WDR41: variants seen among roughly 807,000 people sequenced by gnomAD.
WDR41 encodes WD repeat domain 41, also known as WD repeat-containing protein 41.
In WDR41, 63 loss-of-function variants were observed where a neutral mutation model predicts 69.3. The ratio of observed to expected loss-of-function variants is 0.91; its 90% confidence interval spans 0.74 to 1.12. The LOEUF is 1.12. Among genes scored for constraint, WDR41 ranks in the 50% most tolerant of loss-of-function variants. The pLI is 0.00. For synonymous variants in WDR41, 185 were observed against 192.1 expected, an observed-to-expected ratio of 0.96 and a Z score of 0.31; for missense variants, 543 against 534.5, an observed-to-expected ratio of 1.02 and a Z score of -0.16.
chr5:77,525,358 A>G (rs1802430658), intron 1 of WDR41, among the ~76,000 whole-genome samples: 1 of 152,192 alleles, frequency 6.6e-6, no homozygotes, highest in Admixed American at 6.5e-5. Flanking sequence ...GCCCCTTCAC[A>G]TGCCAGACTG....
chr5:77,451,965 C>T (rs1402106764), intron 6 of WDR41: 1 of 151,148 alleles, frequency 6.6e-6, no homozygotes. Context: ...TACAATTTTG[C>T]TTCTGTCAGT....
intron 1 of WDR41, among the ~76,000 whole-genome samples, chr5:77,610,967 C>G (rs935752568): frequency 6.6e-6 from 1 of 152,148 alleles, no homozygotes; most frequent in Non-Finnish European, 1.5e-5. Context: ...GAAGATCTAC[C>G]AAGCAACTGG....
At chr5:77,520,973 T>C (rs563473601) in intron 1 of WDR41, among the ~76,000 whole-genome samples, 1 of 152,308 alleles carries the variant, frequency 6.6e-6, no homozygotes, top group East Asian at 1.9e-4. Context: ...TACTACCACC[T>C]GAGTTTCTCA....
chr5:77,604,043 G>A (rs757945360), intron 1 of WDR41, among the ~76,000 whole-genome samples: 4 of 152,140 alleles, frequency 2.6e-5, no homozygotes, highest in South Asian at 4.2e-4. Context: ...CCTCAAGATC[G>A]CTTTGGCTAT....
intron 1 of WDR41, among the ~76,000 whole-genome samples, chr5:77,498,177 A>G (rs1801962855): frequency 6.6e-6 from 1 of 152,230 alleles, no homozygotes; most frequent in Non-Finnish European, 1.5e-5. Context: ...TGATGATTAT[A>G]CAATATTGTG....
In WDR41 at chr5:77,608,213, C is replaced by A. The variant is rs567290585; in HGVS notation, c.42+12266G>T. ...TGACCTATTTCATACAGCAGAATGTCCTCAAGGTTCATCTATGTTGTAGCA... is the reference window on the plus strand; with the variant it reads ...TGACCTATTTCATACAGCAGAATGTACTCAAGGTTCATCTATGTTGTAGCA... On this transcript the variant is annotated intron_variant, in intron 1 of 5. Coordinates refer to the WDR41 transcript ENST00000509971. Among the ~76,000 whole-genome samples the A allele has an allele frequency of 2.0e-5, 3 of 152,316 alleles. No individual in the cohort carries two copies. In the South Asian group the frequency reaches 6.2e-4, roughly 32 times the overall value.
chr5:77,594,284 A>T (rs1204730093), intron 1 of WDR41, among the ~76,000 whole-genome samples: 7 of 97,390 alleles, frequency 7.2e-5, no homozygotes, highest in Non-Finnish European at 1.0e-4. Flanking sequence ...GGGAGGGGGG[A>T]GGGATAGCAT....
At chr5:77,615,686 T>G (rs1366241209) in intron 1 of WDR41, among the ~76,000 whole-genome samples, 1 of 24,776 alleles carries the variant, frequency 4.0e-5, no homozygotes, top group Admixed American at 5.2e-4. Flanking sequence ...TTACTGCAAG[T>G]CAAAAAAAAA....
At chr5:77,561,496 A>G (rs923057853) in intron 1 of WDR41, among the ~76,000 whole-genome samples, 7 of 152,250 alleles carry the variant, frequency 4.6e-5, no homozygotes, top group Middle Eastern at 3.4e-3. Context: ...TTGCATCTAC[A>G]ACATTTAAAT....
intron 1 of WDR41, among the ~76,000 whole-genome samples, chr5:77,512,305 C>T (rs933830152): frequency 5.9e-5 from 8 of 135,864 alleles, no homozygotes; most frequent in African/African-American, 2.4e-4. Flanking sequence ...TAAGAAAAGC[C>T]ATGGTCTGTA....
At chr5:77,606,180 T>C (rs1484338409) in intron 1 of WDR41, among the ~76,000 whole-genome samples, 1 of 152,130 alleles carries the variant, frequency 6.6e-6, no homozygotes, top group African/African-American at 2.4e-5. Flanking sequence ...TTTTGCATAG[T>C]CTATGAGTTC....
intron 5 of WDR41, among the ~76,000 whole-genome samples, chr5:77,458,197 A>C (rs1325568254): frequency 6.6e-6 from 1 of 152,124 alleles, no homozygotes; most frequent in Non-Finnish European, 1.5e-5. Context: ...AGTTAGATAG[A>C]AGTATATATA....
chr5:77,591,712 T>C (rs186200360), intron 1 of WDR41, among the ~76,000 whole-genome samples: 3 of 152,280 alleles, frequency 2.0e-5, no homozygotes, highest in African/African-American at 7.2e-5. Context: ...TACTCGTTTT[T>C]CTGTTATTGA....
chr5:77,512,452 A>G (rs962411450), intron 1 of WDR41, among the ~76,000 whole-genome samples: 3 of 151,926 alleles, frequency 2.0e-5, no homozygotes, highest in South Asian at 2.1e-4. Context: ...GTCTTTGGAC[A>G]TAAAATTCGT....
chr5:77,509,726 G>A (rs1177473741), intron 1 of WDR41, among the ~76,000 whole-genome samples: 2 of 152,112 alleles, frequency 1.3e-5, no homozygotes, highest in Non-Finnish European at 2.9e-5. Context: ...AAAGATATAA[G>A]GTTTCTTCTT....
intron 1 of WDR41, among the ~76,000 whole-genome samples, chr5:77,553,070 CT>C (rs1743326055): frequency 6.6e-6 from 1 of 152,176 alleles, no homozygotes; most frequent in East Asian, 1.9e-4. Flanking sequence ...AATGTTTGTT[CT>C]GTGAAAGCCA....
chr5:77,450,809 T>G (rs1274397677), intron 7 of WDR41, among the ~76,000 whole-genome samples: 2 of 152,204 alleles, frequency 1.3e-5, no homozygotes, highest in African/African-American at 4.8e-5. Flanking sequence ...CTTTTCTTTC[T>G]CACATTTCTC....
intron 1 of WDR41, among the ~76,000 whole-genome samples, chr5:77,516,616 CT>C (rs1269312179): frequency 1.3e-5 from 2 of 152,124 alleles, no homozygotes; most frequent in East Asian, 3.9e-4. Context: ...TAGCTTTACT[CT>C]GTGTGGCCTC....
chr5:77,535,197 T>G (rs74391822), intron 1 of WDR41, among the ~76,000 whole-genome samples: 2,772 of 152,238 alleles, frequency 0.018, 58 homozygotes, highest in African/African-American at 0.055. Flanking sequence ...TTGCCCCCCT[T>G]ATGTTCTATG....
Sources: gnomAD v4.1 joint callset for allele counts (sites outside exome capture counted in the v4.1 genomes callset) on GRCh38, gnomAD v4.1.1 for gene constraint, MANE v1.5 for transcripts, NCBI Gene and HGNC (gene_info 2026-07-23, HGNC 2026-07-21) for gene names.